Variants in CACNA1C observed in about 807,000 individuals in gnomAD.
CACNA1C encodes the protein voltage-dependent L-type calcium channel subunit alpha-1C.
CACNA1C carries 30 observed loss-of-function variants against 229.0 expected under a neutral mutation model. That is an observed-to-expected ratio of 0.13 (90% confidence interval 0.10 to 0.18). CACNA1C has a LOEUF of 0.18. Among genes scored for constraint, CACNA1C ranks in the 10% least tolerant of loss-of-function variants. The probability of loss-of-function intolerance (pLI) is 1.00; values close to 1 mark genes in which losing one functional copy is unlikely to be tolerated. For missense variants in CACNA1C, 1,658 were observed against 2,845.0 expected, an observed-to-expected ratio of 0.58 and a Z score of 9.49; for synonymous variants, 1,114 against 1,132.5, an observed-to-expected ratio of 0.98 and a Z score of 0.33.
At chr12:2,543,942 C>G (rs2099876608) in intron 9 of CACNA1C, among the ~76,000 whole-genome samples, 1 of 152,180 alleles carries the variant, frequency 6.6e-6, no homozygotes, top group South Asian at 2.1e-4. Flanking sequence ...CTCTCATCCC[C>G]TCAGACAGCC....
At chr12:2,573,886 C>G (rs553612927) in intron 13 of CACNA1C, among the ~76,000 whole-genome samples, 1 of 152,272 alleles carries the variant, frequency 6.6e-6, no homozygotes, top group South Asian at 2.1e-4. Flanking sequence ...TCCATGATGC[C>G]TGAAGGGAGC....
intron 9 of CACNA1C, among the ~76,000 whole-genome samples, chr12:2,533,913 C>T (rs2099846981): frequency 6.6e-6 from 1 of 152,200 alleles, no homozygotes; most frequent in Admixed American, 6.5e-5. Context: ...AGCGCTTGAA[C>T]AGCCACACTG....
At chr12:2,325,707 G>C (rs925717950) in intron 3 of CACNA1C, among the ~76,000 whole-genome samples, 2 of 152,238 alleles carry the variant, frequency 1.3e-5, no homozygotes, top group Non-Finnish European at 2.9e-5. Flanking sequence ...AGGTTTTGCT[G>C]CTTTCCTTCA....
intron 3 of CACNA1C, among the ~76,000 whole-genome samples, chr12:2,191,224 A>G (rs540698425): frequency 1.3e-5 from 2 of 152,178 alleles, no homozygotes; most frequent in South Asian, 4.1e-4. Flanking sequence ...AAGAGCAGCA[A>G]CCCAAGCAAG....
intron 8 of CACNA1C, among the ~76,000 whole-genome samples, chr12:2,510,936 G>T (rs139589071): frequency 6.0e-4 from 91 of 152,322 alleles, no homozygotes; most frequent in African/African-American, 2.1e-3. Flanking sequence ...GGGATAAGAG[G>T]TTAGGAGGAG....
rs774174913 is a variant in CACNA1C at position 2,420,733 on chromosome 12, C to A, written c.478-28243C>A. ...CAGCAGCCTGGGGTGCTGGGCAGAG[C>A]CGGGACCTGGGTAGGAATCACAGCA... On this transcript the variant is annotated intron_variant, in intron 3 of 46. Coordinates refer to ENST00000399655, the MANE Select transcript of CACNA1C (RefSeq NM_000719.7). Among the ~76,000 whole-genome samples, 45 of 152,202 alleles carry A rather than the reference C, an allele frequency of 3.0e-4. 1 individual carries two copies. Among genetic ancestry groups the A allele is most frequent in the Non-Finnish European group, 4.1e-4 (28 of 68,042 alleles).
At chr12:1,975,780 C>T (rs906129723) in intron 1 of CACNA1C, among the ~76,000 whole-genome samples, 2 of 152,134 alleles carry the variant, frequency 1.3e-5, no homozygotes, top group Non-Finnish European at 2.9e-5. Context: ...TATGACTTTG[C>T]CACATGGGTT....
chr12:2,523,649 T>G (rs934462555), intron 9 of CACNA1C, among the ~76,000 whole-genome samples: 12 of 152,230 alleles, frequency 7.9e-5, no homozygotes, highest in Admixed American at 3.9e-4. Flanking sequence ...CACGGGTCGC[T>G]TTAAGAATGG....
chr12:2,430,959 G>A (rs538822503), intron 3 of CACNA1C, among the ~76,000 whole-genome samples: 5 of 152,248 alleles, frequency 3.3e-5, no homozygotes, highest in Admixed American at 6.5e-5. Context: ...CTCTGTGGGC[G>A]GCTTCAGGCA....
Position 2,679,912 on chromosome 12 carries a change from A to G in CACNA1C, c.5444+116A>G. ...GCCACTTGTCCCTCAAGCTTCCAGG[A>G]GGTTGCTGCCCCAGACTCCAGCAAG... On this transcript the variant is annotated intron_variant, in intron 42 of 46. Transcript: ENST00000399655. This position sits in a 1 kb window ranked among gnomAD's most constrained non-coding sequence, Gnocchi z 5.5. The G allele has an allele frequency of 1.3e-6, 1 of 755,660 alleles. No individual in the cohort carries two copies. The highest frequency in any genetic ancestry group is 2.1e-6 in the Non-Finnish European group (1 of 467,724). The allele number at this position is 755,660 out of a possible 1,614,324, so 46.8% of individuals were successfully genotyped here. A position where few individuals can be genotyped will look rare whatever the true frequency, so the allele number is the denominator to read the frequency against.
intron 4 of CACNA1C, among the ~76,000 whole-genome samples, chr12:2,456,560 C>G (rs1000461883): frequency 1.3e-5 from 2 of 152,204 alleles, no homozygotes; most frequent in Non-Finnish European, 2.9e-5. Context: ...TCCTCTAACG[C>G]ACACCCTGCC....
At chr12:2,414,456 A>G (rs368062017) in intron 3 of CACNA1C, among the ~76,000 whole-genome samples, 9 of 152,254 alleles carry the variant, frequency 5.9e-5, no homozygotes, top group African/African-American at 2.2e-4. Flanking sequence ...GCCTGTGCTT[A>G]GTGGGAACAG....
intron 5 of CACNA1C, among the ~76,000 whole-genome samples, chr12:2,474,449 T>C (rs192872395): frequency 5.8e-4 from 89 of 152,274 alleles, no homozygotes; most frequent in Middle Eastern, 6.8e-3. Context: ...CGTAGGTAGT[T>C]TCTCCCATAA....
chr12:2,612,111 GA>G, intron 29 of CACNA1C, 98 bp downstream of exon 29: 35 of 747,750 alleles, frequency 4.7e-5, no homozygotes, highest in Non-Finnish European at 5.2e-5. Flanking sequence ...GGGGAAGAGG[GA>G]AAAAGGCATC....
At chr12:2,404,948 A>G (rs924640681) in intron 3 of CACNA1C, among the ~76,000 whole-genome samples, 4 of 152,188 alleles carry the variant, frequency 2.6e-5, no homozygotes, top group African/African-American at 7.2e-5. Flanking sequence ...CACAGGACAT[A>G]GTAGATCTTT....
rs57441915 is a variant in CACNA1C at position 2,535,536 on chromosome 12, T to TAA, written c.1391-14396_1391-14395dup. 1.7e-3 allele frequency among the ~76,000 whole-genome samples: 234 copies of TAA among 138,414 alleles called. 1 individual carries two copies. Among genetic ancestry groups the TAA allele is most frequent in the Middle Eastern group, 3.8e-3 (1 of 266 alleles). 90.8% of individuals were successfully genotyped at this position (138,414 alleles called of 152,430 possible). The stretch of plus-strand genomic sequence containing the variant: ...CAATGTAGTGAAACCCCATCTCTAT[T>TAA]AAAAAAAAAAAACAAAATAATTAGC... On this transcript the variant is annotated intron_variant, in intron 9 of 46. Coordinates refer to ENST00000399655, the MANE Select transcript of CACNA1C (RefSeq NM_000719.7).
chr12:2,252,080 C>T (rs1046156231), intron 3 of CACNA1C, among the ~76,000 whole-genome samples: 2 of 152,186 alleles, frequency 1.3e-5, no homozygotes, highest in African/African-American at 4.8e-5. Context: ...TCTGTCCTAC[C>T]ATTAAAATTT....
chr12:2,046,849 A>G (rs960808420), intron 1 of CACNA1C, among the ~76,000 whole-genome samples: 8 of 152,198 alleles, frequency 5.3e-5, no homozygotes, highest in African/African-American at 1.9e-4. Context: ...GCTTCTAGAT[A>G]AACAGACAGG....
chr12:2,463,541 C>T (rs2099529962), intron 5 of CACNA1C, among the ~76,000 whole-genome samples: 1 of 152,130 alleles, frequency 6.6e-6, no homozygotes, highest in Admixed American at 6.5e-5. Flanking sequence ...TGTGACAAGC[C>T]ATGCATTGGG....
Sources: gnomAD v4.1 joint callset for allele counts (sites outside exome capture counted in the v4.1 genomes callset) on GRCh38, gnomAD v4.1.1 for gene constraint, Gnocchi (gnomAD v3.1) non-coding constraint, MANE v1.5 for transcripts, NCBI Gene and HGNC (gene_info 2026-07-23, HGNC 2026-07-21) for gene names.